Variants in EML1 observed in about 807,000 individuals in gnomAD.
The protein encoded by EML1 is echinoderm microtubule-associated protein-like 1.
EML1 carries 27 observed loss-of-function variants against 110.4 expected under a neutral mutation model. That is an observed-to-expected ratio of 0.24 (90% CI 0.18 to 0.34). EML1 has a LOEUF of 0.34. Among genes scored for constraint, EML1 ranks in the 10% least tolerant of loss-of-function variants. The pLI is 1.00. For synonymous variants in EML1, 344 were observed against 385.8 expected, an observed-to-expected ratio of 0.89 and a Z score of 1.27; for missense variants, 741 against 1,030.9, an observed-to-expected ratio of 0.72 and a Z score of 3.85.
chr14:99,787,837 A>T (rs1199754168), intron 1 of EML1, among the ~76,000 whole-genome samples: 1 of 151,972 alleles, frequency 6.6e-6, no homozygotes, highest in Admixed American at 6.6e-5. Flanking sequence ...TTATAAGGAC[A>T]CCAGTCATAT....
intron 1 of EML1, among the ~76,000 whole-genome samples, chr14:99,805,497 G>A (rs921923973): frequency 1.3e-5 from 2 of 151,872 alleles, no homozygotes; most frequent in African/African-American, 4.8e-5. Flanking sequence ...ATCTTTTGAG[G>A]TAGGGCTCAG....
intron 1 of EML1, among the ~76,000 whole-genome samples, chr14:99,750,952 C>T (rs528145097): frequency 5.3e-5 from 8 of 152,248 alleles, no homozygotes; most frequent in African/African-American, 7.2e-5. Context: ...TTAGCTCCCT[C>T]GCCTTCCACC....
chr14:99,932,547 G>A (rs1036033569), intron 17 of EML1, among the ~76,000 whole-genome samples: 2 of 151,834 alleles, frequency 1.3e-5, no homozygotes, highest in South Asian at 2.1e-4. Context: ...GCTGAGGCAG[G>A]AGAATCGCTT....
intron 1 of EML1, among the ~76,000 whole-genome samples, chr14:99,743,662 C>T (rs1392786871): frequency 2.0e-5 from 3 of 152,172 alleles, no homozygotes; most frequent in South Asian, 2.1e-4. Flanking sequence ...TGCACTCACT[C>T]GGCACACGAA....
intron 20 of EML1, 31 bp downstream of exon 20, chr14:99,937,943 A>G (rs1302773322): frequency 6.3e-7 from 1 of 1,589,668 alleles, no homozygotes; most frequent in Non-Finnish European, 8.6e-7. Flanking sequence ...ACTGGTTCCA[A>G]CAAAAGAGTG....
rs755689161 is a variant in EML1, at chr14:99,941,769, G to A, written c.*1657G>A. ...TTACCATACTCAATTGTCAGTTTAC[G>A]TGGTTTTGTGAATACTGGCAAAAGC... On this transcript the variant is annotated 3_prime_UTR_variant, in exon 22 of 22. Coordinates refer to ENST00000262233, the MANE Select transcript of EML1 (RefSeq NM_004434.3). The A allele has an allele frequency of 3.9e-5, 6 of 152,146 alleles. No individual in the cohort carries two copies. Among genetic ancestry groups the A allele is most frequent in the East Asian group, 1.9e-4 (1 of 5,196 alleles). 9.4% of individuals were successfully genotyped at this position (152,146 alleles called of 1,614,324 possible).
At chr14:99,737,907 C>T in intron 1 of EML1, 1 of 1,283,966 alleles carries the variant, frequency 7.8e-7, no homozygotes, top group African/African-American at 1.5e-5. Context: ...GGTTGCAGAG[C>T]CAAGGCCGCC....
At chr14:99,792,208 G>A (rs1037640938), upstream of EML1, among the ~76,000 whole-genome samples, 2 of 152,160 alleles carry the variant, frequency 1.3e-5, no homozygotes, top group Admixed American at 6.5e-5. Flanking sequence ...GAGCCCAAGC[G>A]AGACCTACGA....
intron 2 of EML1, among the ~76,000 whole-genome samples, chr14:99,852,461 A>G (rs2058827031): frequency 6.6e-6 from 1 of 152,178 alleles, no homozygotes; most frequent in South Asian, 2.1e-4. Flanking sequence ...CAAAAAATTT[A>G]AAAATTAGCT....
intron 1 of EML1, among the ~76,000 whole-genome samples, chr14:99,747,074 G>T (rs913059225): frequency 6.6e-6 from 1 of 151,330 alleles, no homozygotes; most frequent in Non-Finnish European, 1.5e-5. Context: ...TGTAGTCCCA[G>T]CTACTCAGAA....
At chr14:99,830,620 G>A (rs1486558188) in intron 1 of EML1, among the ~76,000 whole-genome samples, 1 of 151,658 alleles carries the variant, frequency 6.6e-6, no homozygotes, top group African/African-American at 2.4e-5. Flanking sequence ...GTGCAATCTC[G>A]GCTCACTGCA....
intron 1 of EML1, among the ~76,000 whole-genome samples, chr14:99,832,186 G>A (rs537888136): frequency 2.6e-5 from 4 of 152,174 alleles, no homozygotes; most frequent in East Asian, 3.9e-4. Flanking sequence ...ATATTCATCC[G>A]TGCTGTTGCT....
rs2060298501 is a variant in EML1, at chr14:99,928,203, GTGGTGATGGTGA to G, written c.1909+7332_1909+7343del. Among the ~76,000 whole-genome samples, 7 of 8,700 alleles carry G rather than the reference GTGGTGATGGTGA, an allele frequency of 8.0e-4. 2 individuals are homozygous for G. Among genetic ancestry groups the G allele is most frequent in the Admixed American group, 2.1e-3 (2 of 974 alleles). The allele number at this position is 8,700 out of a possible 152,430, so 5.7% of individuals were successfully genotyped here. A position where few individuals can be genotyped will look rare whatever the true frequency, so the allele number is the denominator to read the frequency against. Reference sequence around the variant, plus strand: ...GGTGGTGGTGGTGGTGGTGGTGGTGGTGGTGATGGTGATGGTGGTGGTGGTGGTGGTGGTGGT... The same window carrying G: ...GGTGGTGGTGGTGGTGGTGGTGGTGGTGGTGGTGGTGGTGGTGGTGGTGGT... On this transcript the variant is annotated intron_variant, in intron 17 of 21. Transcript: ENST00000262233.
intron 4 of EML1, among the ~76,000 whole-genome samples, chr14:99,887,763 G>A (rs1299749413): frequency 2.0e-5 from 3 of 152,196 alleles, no homozygotes; most frequent in African/African-American, 7.2e-5. Flanking sequence ...GTGGCTGTGC[G>A]TTCTGGAGAG....
chr14:99,793,752 G>A (rs1376637986), intron 1 of EML1, among the ~76,000 whole-genome samples: 1 of 145,212 alleles, frequency 6.9e-6, no homozygotes, highest in Non-Finnish European at 1.5e-5. Context: ...GGGCCGCCCC[G>A]GGCTCCCCGC....
chr14:99,810,960 G>A (rs980020838), intron 1 of EML1, among the ~76,000 whole-genome samples: 4 of 152,026 alleles, frequency 2.6e-5, no homozygotes, highest in Non-Finnish European at 4.4e-5. Flanking sequence ...ATTATTGTCA[G>A]TTAAAGAAAA....
chr14:99,800,881 T>C (rs1006901616), intron 1 of EML1, among the ~76,000 whole-genome samples: 2 of 152,224 alleles, frequency 1.3e-5, no homozygotes, highest in Non-Finnish European at 2.9e-5. Flanking sequence ...AGGTTCGACC[T>C]ATAGACTTGG....
rs568654184 is a variant in EML1, at chr14:99,781,080, G to A, written c.-27+7067G>A. Among the ~76,000 whole-genome samples the A allele has an allele frequency of 2.0e-5, 3 of 151,944 alleles. No homozygotes were observed. The highest frequency in any genetic ancestry group is 2.1e-4 in the South Asian group (1 of 4,804). Reference sequence around the variant, plus strand: ...TCTCTCCTTCTTTCCAAGGACACGCGCCCCTGCCCCCAGAATACTGGTTGG... The same window carrying A: ...TCTCTCCTTCTTTCCAAGGACACGCACCCCTGCCCCCAGAATACTGGTTGG... On this transcript the variant is annotated intron_variant, in intron 1 of 22. Coordinates refer to the EML1 transcript ENST00000327921. The surrounding 1 kb of genome is among the most constrained non-coding windows in gnomAD (Gnocchi z 4.2).
intron 1 of EML1, among the ~76,000 whole-genome samples, chr14:99,847,426 C>T (rs1267771574): frequency 2.0e-5 from 3 of 152,170 alleles, no homozygotes; most frequent in Non-Finnish European, 2.9e-5. Context: ...TCATAGTTCA[C>T]TGTAGACCTG....
Sources: allele counts gnomAD v4.1 joint callset (sites outside exome capture counted in the v4.1 genomes callset), GRCh38; gene constraint gnomAD v4.1.1; non-coding constraint Gnocchi (gnomAD v3.1); transcripts MANE v1.5; gene names NCBI Gene and HGNC (gene_info 2026-07-23, HGNC 2026-07-21).